The following PMFBP1 variants were observed in gnomAD, a reference collection of about 807,000 sequenced individuals.
The protein encoded by PMFBP1 is polyamine-modulated factor 1-binding protein 1.
In PMFBP1, 131 loss-of-function variants were observed where a neutral mutation model predicts 137.8. The ratio of observed to expected loss-of-function variants is 0.95; its 90% CI spans 0.82 to 1.10. The LOEUF (loss-of-function observed/expected upper bound fraction) is 1.10. PMFBP1 is among the 50% of genes least tolerant of loss of function. PMFBP1 has a pLI of 0.00. For synonymous variants in PMFBP1, 490 were observed against 450.4 expected (o/e 1.09, Z -1.11); for missense variants, 1,199 against 1,175.4 (o/e 1.02, Z -0.29).
chr16:72,130,359 T>C lies in PMFBP1; in HGVS notation c.1638-2A>G. 6.2e-7 allele frequency: 1 copy of C among 1,614,194 alleles called. No individual in the cohort carries two copies. Among genetic ancestry groups the C allele is most frequent in the Admixed American group, 1.7e-5 (1 of 60,010 alleles). On this transcript the variant is annotated splice_acceptor_variant, in intron 11 of 20. Coordinates refer to ENST00000237353, the MANE Select transcript of PMFBP1 (RefSeq NM_031293.3). LOFTEE classifies it high-confidence loss of function. ...AATGACAGCTCCTCCACCCGTTTTC[T>C]AAAGCAAAATAACAGCCACAGGAGG...
the PMFBP1 span, among the ~76,000 whole-genome samples, chr16:72,226,764 T>G: frequency 6.6e-6 from 1 of 152,142 alleles, no homozygotes; most frequent in Admixed American, 6.5e-5. Flanking sequence ...ATTCTAGAGA[T>G]TCGCAAAGAA....
rs1165171484 is a variant in PMFBP1, at chr16:72,159,177, T to C, written c.166-4718A>G. ...CCCAGAAGAATGAGAGAAATGCTCTTCTTTTAAAAGAAGTCAAACTCTCTC... is the reference window on the plus strand; with the variant it reads ...CCCAGAAGAATGAGAGAAATGCTCTCCTTTTAAAAGAAGTCAAACTCTCTC... On this transcript the variant is annotated intron_variant, in intron 3 of 20. Transcript: ENST00000237353. Among the ~76,000 whole-genome samples, 3 of 152,248 alleles carry C rather than the reference T, an allele frequency of 2.0e-5. No individual in the cohort carries two copies. The East Asian group carries it at 5.8e-4, about 29-fold the overall frequency.
downstream of PMFBP1, among the ~76,000 whole-genome samples, chr16:72,117,065 G>C (rs1485591493): frequency 7.0e-6 from 1 of 142,582 alleles, no homozygotes; most frequent in East Asian, 2.1e-4. Context: ...TTGGGATTTT[G>C]ACAGAGATTA....
the PMFBP1 span, among the ~76,000 whole-genome samples, chr16:72,203,987 G>A: frequency 6.6e-6 from 1 of 152,114 alleles, no homozygotes; most frequent in East Asian, 1.9e-4. Context: ...TGCCAGGGAG[G>A]ACCCTGTCTG....
At chr16:72,166,956 G>C (rs2043153244) in intron 2 of PMFBP1, among the ~76,000 whole-genome samples, 1 of 152,206 alleles carries the variant, frequency 6.6e-6, no homozygotes, top group Admixed American at 6.5e-5. Flanking sequence ...AGTGCCCAAG[G>C]TCTCACATCT....
At chr16:72,160,697 G>A (rs2043048782) in intron 3 of PMFBP1, among the ~76,000 whole-genome samples, 1 of 151,864 alleles carries the variant, frequency 6.6e-6, no homozygotes, top group Non-Finnish European at 1.5e-5. Context: ...CTGGGGAGGG[G>A]ACCAAAACCC....
chr16:72,137,969 A>G (rs1184070488), intron 7 of PMFBP1, among the ~76,000 whole-genome samples: 1 of 152,028 alleles, frequency 6.6e-6, no homozygotes, highest in African/African-American at 2.4e-5. Context: ...AGGGGAGGAG[A>G]GGCCTGCTGG....
the PMFBP1 span, among the ~76,000 whole-genome samples, chr16:72,246,900 G>A: frequency 6.6e-6 from 1 of 152,128 alleles, no homozygotes; most frequent in Non-Finnish European, 1.5e-5. Context: ...AAGCAGTATA[G>A]AAATAAAAAG....
At chr16:72,195,223 G>A in the PMFBP1 span, among the ~76,000 whole-genome samples, 1 of 152,178 alleles carries the variant, frequency 6.6e-6, no homozygotes, top group Non-Finnish European at 1.5e-5. Context: ...CTCCTCAATA[G>A]GTCATCTTTG....
upstream of PMFBP1, among the ~76,000 whole-genome samples, chr16:72,179,855 G>A (rs558977915): frequency 2.0e-5 from 3 of 152,330 alleles, no homozygotes; most frequent in African/African-American, 7.2e-5. Context: ...GCCAGATGTT[G>A]CCATTAGGAA....
chr16:72,248,460 T>C, the PMFBP1 span, among the ~76,000 whole-genome samples: 1 of 152,086 alleles, frequency 6.6e-6, no homozygotes, highest in Non-Finnish European at 1.5e-5. Flanking sequence ...ACTGAATCAG[T>C]GAATATCTGC....
At chr16:72,150,502 C>A in intron 5 of PMFBP1, 106 bp downstream of exon 5, 2 of 1,078,252 alleles carry the variant, frequency 1.9e-6, no homozygotes, top group South Asian at 1.4e-5. Flanking sequence ...GAAGTGACAT[C>A]TGGGTAAAGG....
chr16:72,141,500 T>C (rs987683582), intron 5 of PMFBP1, among the ~76,000 whole-genome samples: 4 of 152,228 alleles, frequency 2.6e-5, no homozygotes, highest in African/African-American at 9.6e-5. Flanking sequence ...TCTAGAACTT[T>C]ATACTATATT....
the PMFBP1 span, among the ~76,000 whole-genome samples, chr16:72,190,998 C>T: frequency 2.6e-5 from 4 of 152,116 alleles, no homozygotes; most frequent in Admixed American, 2.6e-4. Flanking sequence ...GAAAAAAGAA[C>T]ATGACACTGA....
At chr16:72,179,312 T>C (rs2043268920), upstream of PMFBP1, among the ~76,000 whole-genome samples, 2 of 152,236 alleles carry the variant, frequency 1.3e-5, no homozygotes, top group African/African-American at 4.8e-5. Context: ...CACAAGACAC[T>C]GATTTATATT....
At chr16:72,242,085 TCTC>T in the PMFBP1 span, among the ~76,000 whole-genome samples, 23 of 152,242 alleles carry the variant, frequency 1.5e-4, no homozygotes, top group East Asian at 3.9e-4. Flanking sequence ...TTCCTTCTCT[TCTC>T]CTCCCTGACA....
chr16:72,152,526 T>TC (rs1212948757), intron 4 of PMFBP1, among the ~76,000 whole-genome samples: 1 of 152,210 alleles, frequency 6.6e-6, no homozygotes, highest in South Asian at 2.1e-4. Flanking sequence ...CACCTGGTCC[T>TC]CTGCCCTTTT....
upstream of PMFBP1, among the ~76,000 whole-genome samples, chr16:72,175,620 C>T (rs9936642): frequency 0.5 from 76,151 of 151,966 alleles, 19,995 homozygotes; most frequent in African/African-American, 0.67. Flanking sequence ...AACATGTTTC[C>T]GGGTTTTCAG....
chr16:72,190,928 C>T, the PMFBP1 span, among the ~76,000 whole-genome samples: 1 of 152,106 alleles, frequency 6.6e-6, no homozygotes, highest in Non-Finnish European at 1.5e-5. Context: ...AGAGAAGGTT[C>T]TTCGTGTGTT....
Sources: allele counts gnomAD v4.1 joint callset (sites outside exome capture counted in the v4.1 genomes callset), GRCh38; gene constraint gnomAD v4.1.1; transcripts MANE v1.5; gene names NCBI Gene and HGNC (gene_info 2026-07-23, HGNC 2026-07-21).